Variants in STIM2 observed in about 807,000 individuals in gnomAD.
STIM2 encodes the protein stromal interaction molecule 2.
A neutral mutation model predicts 85.8 loss-of-function variants in STIM2; 31 were observed. The ratio of observed to expected loss-of-function variants is 0.36; its 90% CI spans 0.27 to 0.49. The LOEUF is 0.49. Among genes scored for constraint, STIM2 ranks in the 20% least tolerant of loss-of-function variants. The pLI is 0.98. For missense variants in STIM2, 841 were observed against 927.6 expected (o/e 0.91, Z 1.21); for synonymous variants, 356 against 331.1 (o/e 1.08, Z -0.82).
chr4:26,934,687 GT>G (rs769971134), intron 2 of STIM2, among the ~76,000 whole-genome samples: 4 of 152,252 alleles, frequency 2.6e-5, no homozygotes, highest in Middle Eastern at 3.4e-3. Context: ...GCCGAGGTGG[GT>G]GAATCTCCTG....
chr4:26,967,601 A>C (rs1726771344), intron 3 of STIM2, among the ~76,000 whole-genome samples: 1 of 152,216 alleles, frequency 6.6e-6, no homozygotes. Flanking sequence ...TGTACTGCTG[A>C]GCAGACATTT....
intron 2 of STIM2, among the ~76,000 whole-genome samples, chr4:26,955,217 T>A (rs1216716856): frequency 6.8e-6 from 1 of 147,784 alleles, no homozygotes; most frequent in Non-Finnish European, 1.5e-5. Flanking sequence ...CTGGCTTTTC[T>A]AAAATAGTTA....
chr4:26,982,898 A>G (rs1461595305), intron 3 of STIM2, among the ~76,000 whole-genome samples: 1 of 152,160 alleles, frequency 6.6e-6, no homozygotes, highest in Non-Finnish European at 1.5e-5. Flanking sequence ...TGACAGTGAA[A>G]ACTTGACTCT....
chr4:26,908,129 T>G (rs1724197827), intron 1 of STIM2, among the ~76,000 whole-genome samples: 1 of 152,192 alleles, frequency 6.6e-6, no homozygotes. Flanking sequence ...CAAATGAACA[T>G]TTCCTTTTTG....
chr4:26,897,154 T>A (rs895578241), intron 1 of STIM2, among the ~76,000 whole-genome samples: 1 of 152,212 alleles, frequency 6.6e-6, no homozygotes, highest in African/African-American at 2.4e-5. Context: ...ATAAAATGCT[T>A]ATAAACATTC....
Position 27,017,876 on chromosome 4 carries a change from A to T in STIM2, c.1655A>T (p.His552Leu), listed in dbSNP as rs781654147. The change falls in exon 11 of 12, where the codon CAC becomes CTC. Residue 552 changes from histidine (H) to leucine (L), a missense_variant. By Grantham distance (99) the His-to-Leu change is moderately conservative (BLOSUM62 -3). Transcript: ENST00000467087. ...CCTCACCACCCGCAACACACACCAC[A>T]CTCCTTGCCTTCCCCTGATCCAGAT... 1 of 1,613,174 alleles carries T rather than the reference A, an allele frequency of 6.2e-7. No homozygotes were observed. The highest frequency in any genetic ancestry group is 1.3e-5 in the African/African-American group (1 of 74,566).
intron 1 of STIM2, among the ~76,000 whole-genome samples, chr4:26,868,409 G>A (rs1722484290): frequency 6.6e-6 from 1 of 152,044 alleles, no homozygotes; most frequent in African/African-American, 2.4e-5. Context: ...ATATGGAACT[G>A]AAACACCTCA....
At chr4:27,005,543 C>T (rs1185422233) in intron 7 of STIM2, among the ~76,000 whole-genome samples, 1 of 152,122 alleles carries the variant, frequency 6.6e-6, no homozygotes, top group Non-Finnish European at 1.5e-5. Context: ...ACATTTTAAA[C>T]AGTTATTTAT....
intron 3 of STIM2, among the ~76,000 whole-genome samples, chr4:26,975,157 T>G (rs1489641218): frequency 1.3e-5 from 2 of 152,128 alleles, no homozygotes; most frequent in Non-Finnish European, 1.5e-5. Context: ...TTTTCAAGGT[T>G]TTTAGCTTCC....
chr4:27,021,153 C>G, intron 11 of STIM2: 1 of 1,280,562 alleles, frequency 7.8e-7, no homozygotes, highest in Non-Finnish European at 1.1e-6. Flanking sequence ...TCATCCAACA[C>G]ATTTTTATGA....
intron 1 of STIM2, among the ~76,000 whole-genome samples, chr4:26,915,420 G>T (rs775152854): frequency 1.3e-5 from 2 of 151,832 alleles, no homozygotes; most frequent in African/African-American, 2.4e-5. Flanking sequence ...TTTTTCGTAG[G>T]GATAGGGTTT....
chr4:27,008,413 C>A lies in STIM2; in HGVS notation c.1150-15C>A, dbSNP rs755353960. The A allele has an allele frequency of 1.3e-6, 2 of 1,540,720 alleles. No homozygotes were observed. The highest frequency in any genetic ancestry group is 1.3e-5 in the South Asian group (1 of 77,472). ...TTTTCAAACCTAGCCTTATTTAGTC[C>A]TTTTCGGTTTCTAGGCAGAAAAAAT... On this transcript the variant is annotated splice_polypyrimidine_tract_variant and intron_variant, in intron 8 of 11. Transcript: ENST00000467087.
chr4:27,008,013 A>G (rs1728427264), intron 8 of STIM2: 3 of 717,030 alleles, frequency 4.2e-6, no homozygotes, highest in Non-Finnish European at 7.8e-6. Context: ...TCAGGTTAGT[A>G]GTTACTGGAA....
At chr4:26,968,915 AAAT>A (rs1467354075) in intron 3 of STIM2, among the ~76,000 whole-genome samples, 1 of 152,184 alleles carries the variant, frequency 6.6e-6, no homozygotes, top group African/African-American at 2.4e-5. Flanking sequence ...GAACATTAAA[AAAT>A]AATTCAGCAA....
At chr4:26,880,030 CATAAG>C (rs1168614329) in intron 1 of STIM2, among the ~76,000 whole-genome samples, 1 of 152,208 alleles carries the variant, frequency 6.6e-6, no homozygotes, top group East Asian at 1.9e-4. Context: ...CAGAAGTACA[CATAAG>C]ATAATTTTCT....
intron 9 of STIM2, 70 bp from the exon 10 acceptor site, chr4:27,008,694 A>G (rs1728458102): frequency 4.1e-6 from 6 of 1,445,930 alleles, no homozygotes; most frequent in Non-Finnish European, 5.8e-6. Flanking sequence ...CTGTTCATGT[A>G]TTGCCTTTTT....
At chr4:26,976,101 G>C (rs1297380358) in intron 3 of STIM2, among the ~76,000 whole-genome samples, 17 of 152,310 alleles carry the variant, frequency 1.1e-4, no homozygotes, top group Admixed American at 9.1e-4. Context: ...TAAGACCTTG[G>C]GGAAAGCGCA....
chr4:26,898,430 C>T (rs1211636412), intron 1 of STIM2, among the ~76,000 whole-genome samples: 1 of 152,164 alleles, frequency 6.6e-6, no homozygotes, highest in Non-Finnish European at 1.5e-5. Flanking sequence ...GTATTGTCAA[C>T]TCCATTCCTC....
intron 3 of STIM2, among the ~76,000 whole-genome samples, chr4:26,972,079 C>T (rs377460611): frequency 6.6e-6 from 1 of 152,084 alleles, no homozygotes; most frequent in African/African-American, 2.4e-5. Flanking sequence ...GTGATTTTTG[C>T]ACATTGATTT....
Sources: allele counts gnomAD v4.1 joint callset (sites outside exome capture counted in the v4.1 genomes callset), GRCh38; gene constraint gnomAD v4.1.1; transcripts MANE v1.5; gene names NCBI Gene and HGNC (gene_info 2026-07-23, HGNC 2026-07-21).